Variants in NLRP2 observed in about 807,000 individuals in gnomAD.
NLRP2 encodes NLR family pyrin domain containing 2.
In NLRP2, 107 loss-of-function variants were observed where a neutral mutation model predicts 97.2. That is an observed-to-expected ratio of 1.10 (90% CI 0.94 to 1.29). The LOEUF is 1.29. NLRP2 is among the 50% of genes most tolerant of loss of function. NLRP2 has a pLI of 0.00. For missense variants in NLRP2, 1,495 were observed against 1,330.3 expected, an observed-to-expected ratio of 1.12 and a Z score of -1.93; for synonymous variants, 663 against 551.5, an observed-to-expected ratio of 1.20 and a Z score of -2.83.
Position 54,982,280 on chromosome 19 carries a change from A to T in NLRP2, c.582A>T (p.Pro194=). The T allele has an allele frequency of 1.9e-6, 3 of 1,614,120 alleles. No homozygotes were observed. The highest frequency in any genetic ancestry group is 2.5e-6 in the Non-Finnish European group (3 of 1,180,010). The change falls in exon 6 of 13, where the codon CCA becomes CCT. Residue 194 remains proline (P), a synonymous_variant. Transcript: ENST00000448584. ...VMAERYKMLI[P]FSNPRVLPGP... is the part of the protein sequence containing the mutation. The stretch of plus-strand genomic sequence containing the variant: ...CTGAGAGATACAAGATGCTGATCCC[A>T]TTCAGCAACCCCAGGGTGCTTCCCG...
At position 54,982,199 on chromosome 19, in the gene NLRP2, G is replaced by A; in HGVS notation, c.501G>A (p.Lys167=). The part of the protein sequence containing the change: ...DNRCRYILKT[K]FREMWKSWPG... Reference sequence around the variant, plus strand: ...GGTGCAGGTATATATTGAAGACGAAGTTCCGGGAGATGTGGAAGAGCTGGC... The same window carrying A: ...GGTGCAGGTATATATTGAAGACGAAATTCCGGGAGATGTGGAAGAGCTGGC... Residue 167 remains lysine, a synonymous_variant, in exon 6 of 13, where the codon AAG becomes AAA. Coordinates refer to ENST00000448584, the MANE Select transcript of NLRP2 (RefSeq NM_017852.5). The A allele has an allele frequency of 6.2e-7, 1 of 1,614,098 alleles. No homozygotes were observed. Among genetic ancestry groups the A allele is most frequent in the East Asian group, 2.2e-5 (1 of 44,892 alleles).
chr19:54,973,954 T>A (rs1222942095), intron 2 of NLRP2: 1 of 913,648 alleles, frequency 1.1e-6, no homozygotes, highest in African/African-American at 1.7e-5. Context: ...GTGGCTATGG[T>A]GGGCAGACTA....
At position 54,998,538 on chromosome 19, in the gene NLRP2, AGTTT is replaced by A. The variant is rs150262560; in HGVS notation, c.3050+1064_3050+1067del. ...ACACTAAGGGTTTTTTTAAGCTTTA[AGTTT>A]GTTTGTTTGTTTATTTATTATTTAT... On this transcript the variant is annotated intron_variant, in intron 12 of 12. Transcript: ENST00000448584. 2.2e-3 allele frequency among the ~76,000 whole-genome samples: 321 copies of A among 144,880 alleles called. 2 individuals are homozygous for A. Among genetic ancestry groups the A allele is most frequent in the African/African-American group, 7.7e-3 (299 of 38,860 alleles).
In NLRP2 at chr19:54,982,295, G is replaced by T. The variant is rs145770839; in HGVS notation, c.597G>T (p.Arg199Ser). 10 of 1,613,952 alleles carry T rather than the reference G, an allele frequency of 6.2e-6. No homozygotes were observed. In the African/African-American group the frequency reaches 1.2e-4, roughly 19 times the overall value. ...TGCTGATCCCATTCAGCAACCCCAG[G>T]GTGCTTCCCGGGCCCTTCTCATACA... is the stretch of plus-strand genomic sequence containing the variant. ...YKMLIPFSNP[R>S]VLPGPFSYTV... is the part of the protein sequence containing the mutation. Residue 199 changes from arginine to serine, a missense_variant, in exon 6 of 13, where the codon AGG becomes AGT. Coordinates refer to ENST00000448584, the MANE Select transcript of NLRP2 (RefSeq NM_017852.5).
chr19:54,998,152 G>T (rs1364747454), intron 12 of NLRP2, among the ~76,000 whole-genome samples: 1 of 151,434 alleles, frequency 6.6e-6, no homozygotes, highest in Non-Finnish European at 1.5e-5. Context: ...CCAAGTAGCT[G>T]GGATTACAGG....
chr19:54,984,302 C>G (rs2071872881), intron 6 of NLRP2, among the ~76,000 whole-genome samples: 1 of 123,874 alleles, frequency 8.1e-6, no homozygotes, highest in Non-Finnish European at 1.8e-5. Flanking sequence ...TCATGTCCAG[C>G]TAACTTAAGT....
rs1568502742 is a variant in NLRP2, at chr19:54,983,608, TTG to T, written c.1913_1914del (p.Val638AlafsTer32). The T allele has an allele frequency of 6.2e-7, 1 of 1,614,176 alleles. No individual in the cohort carries two copies. The highest frequency in any genetic ancestry group is 8.5e-7 in the Non-Finnish European group (1 of 1,180,014). ...TCCCTGCACTTAAATGCAGTAGACG[TTG>T]TGCCATCTTCATTCTGCGTCAAGCA... On this transcript the variant is annotated frameshift_variant, in exon 6 of 13. Transcript: ENST00000448584. LOFTEE classifies it high-confidence loss of function.
chr19:54,973,877 C>G (rs1327743061), intron 2 of NLRP2: 17 of 658,372 alleles, frequency 2.6e-5, no homozygotes, highest in South Asian at 1.5e-4. Context: ...GCACCACCCC[C>G]ACAAAGTGAC....
At position 54,974,520 on chromosome 19, in the gene NLRP2, A is replaced by C. The variant is rs746889855; in HGVS notation, c.301A>C (p.Asn101His). The stretch of plus-strand genomic sequence containing the variant: ...TTCAGAAGCAGCTTTGAAATCCTTT[A>C]ATAAAAGGAAGCCTCTATCATTAGG... ...EVREAALKSF[N>H]KRKPLSLGIT... The change falls in exon 3 of 13, where the codon AAT becomes CAT. Residue 101 changes from asparagine to histidine, a missense_variant. Coordinates refer to ENST00000448584, the MANE Select transcript of NLRP2 (RefSeq NM_017852.5). 1.2e-6 allele frequency: 2 copies of C among 1,610,922 alleles called. No individual in the cohort carries two copies. The highest frequency in any genetic ancestry group is 4.5e-5 in the East Asian group (2 of 44,854).
intron 3 of NLRP2, 118 bp from the exon 4 acceptor site, chr19:54,977,634 G>A (rs1239192798): frequency 1.8e-5 from 17 of 932,930 alleles, no homozygotes; most frequent in African/African-American, 3.2e-5. Context: ...CCTTATCAAC[G>A]TCCTTTTTAG....
At chr19:54,977,705 C>T in intron 3 of NLRP2, 47 bp from the exon 4 acceptor site, 5 of 1,590,768 alleles carry the variant, frequency 3.1e-6, no homozygotes, top group Non-Finnish European at 4.3e-6. Flanking sequence ...CTTGGAGTCC[C>T]ACTGCCAGCA....
chr19:54,971,644 C>T (rs1376595199), intron 2 of NLRP2, among the ~76,000 whole-genome samples: 1 of 151,674 alleles, frequency 6.6e-6, no homozygotes, highest in South Asian at 2.1e-4. Flanking sequence ...CTGTTCATGT[C>T]GTTCGCCCAC....
intron 6 of NLRP2, among the ~76,000 whole-genome samples, chr19:54,984,329 GTTTTTTTTTTTTTT>G (rs200366059): frequency 3.8e-5 from 3 of 79,670 alleles, no homozygotes; most frequent in Non-Finnish European, 7.5e-5. Flanking sequence ...TTTTTTTTGT[GTTTTTTTTTTTTTT>G]TTTTTTTTTG....
chr19:54,971,158 T>G (rs1358655411), intron 2 of NLRP2, among the ~76,000 whole-genome samples: 4 of 151,646 alleles, frequency 2.6e-5, no homozygotes, highest in Non-Finnish European at 4.4e-5. Context: ...AACTCATCAT[T>G]TTTTATGGCT....
intron 2 of NLRP2, among the ~76,000 whole-genome samples, chr19:54,971,989 T>G (rs963402462): frequency 3.1e-5 from 4 of 127,354 alleles, no homozygotes; most frequent in Non-Finnish European, 4.8e-5. Flanking sequence ...CCACCATGCC[T>G]GGCTGATTTT....
rs2071651245 is a variant in NLRP2 at position 54,982,489 on chromosome 19, G to A, written c.791G>A (p.Arg264Lys). 3 of 1,614,210 alleles carry A rather than the reference G, an allele frequency of 1.9e-6. No individual in the cohort carries two copies. The highest frequency in any genetic ancestry group is 2.5e-6 in the Non-Finnish European group (3 of 1,180,044). The change falls in exon 6 of 13, where the codon AGG (arginine) becomes AAG (lysine). Residue 264 changes from arginine (R) to lysine (K), a missense_variant. By Grantham distance (26) the Arg-to-Lys change is conservative. Coordinates refer to ENST00000448584, the MANE Select transcript of NLRP2 (RefSeq NM_017852.5). The stretch of plus-strand genomic sequence containing the variant: ...TGCAGTTTTGCAGAGCTGGTCTTCA[G>A]GGACTGGCCTGAATTGCAGGATGAC... The part of the protein sequence containing the change: ...GPCSFAELVF[R>K]DWPELQDDIP...
upstream of NLRP2, among the ~76,000 whole-genome samples, chr19:54,965,605 G>A (rs577854574): frequency 9.2e-5 from 3 of 32,656 alleles, no homozygotes; most frequent in African/African-American, 2.9e-4. Context: ...ACAGGCGCCC[G>A]CCACCACGCC....
At chr19:54,983,929 C>T (rs2071843656) in intron 6 of NLRP2, among the ~76,000 whole-genome samples, 1 of 152,132 alleles carries the variant, frequency 6.6e-6, no homozygotes, top group African/African-American at 2.4e-5. Context: ...TGGCTCCCTG[C>T]AACCTCCGCC....
chr19:54,985,112 A>G lies in NLRP2; in HGVS notation c.2096A>G (p.Lys699Arg), dbSNP rs756532078. The G allele has an allele frequency of 4.3e-6, 7 of 1,613,932 alleles. No individual in the cohort carries two copies. The highest frequency in any genetic ancestry group is 3.3e-5 in the South Asian group (3 of 91,082). Residue 699 changes from lysine (K) to arginine (R), a missense_variant, in exon 7 of 13, where the codon AAG becomes AGG. Physicochemically the swap from Lys to Arg is conservative, Grantham distance 26 (BLOSUM62 2). Transcript: ENST00000448584. Reference sequence around the variant, plus strand: ...CTTTGTTCCATATTTGGATCAAATAAGGATCTGATGGGTCTAGCAATCAAT... The same window carrying G: ...CTTTGTTCCATATTTGGATCAAATAGGGATCTGATGGGTCTAGCAATCAAT... ...TDLCSIFGSN[K>R]DLMGLAINDS... is the part of the protein sequence containing the mutation.
Sources: gnomAD v4.1 joint callset for allele counts (sites outside exome capture counted in the v4.1 genomes callset) on GRCh38, gnomAD v4.1.1 for gene constraint, MANE v1.5 for transcripts, NCBI Gene and HGNC (gene_info 2026-07-23, HGNC 2026-07-21) for gene names.